Variants in IMMP2L observed in about 807,000 individuals in gnomAD.
IMMP2L encodes inner mitochondrial membrane peptidase subunit 2, also known as mitochondrial inner membrane protease subunit 2.
In IMMP2L, 18 loss-of-function variants were observed where a neutral mutation model predicts 19.3. The observed-to-expected ratio is 0.93, with a 90% CI of 0.64 to 1.38. The LOEUF is 1.38. Ranked by LOEUF, IMMP2L falls within the 40% of genes most tolerant of loss-of-function variation. The pLI is 0.00. For synonymous variants in IMMP2L, 76 were observed against 73.0 expected (o/e 1.04, Z -0.21); for missense variants, 233 against 218.2 (o/e 1.07, Z -0.43).
At chr7:110,667,724 T>G (rs899492503) in intron 5 of IMMP2L, among the ~76,000 whole-genome samples, 1 of 152,206 alleles carries the variant, frequency 6.6e-6, no homozygotes, top group Admixed American at 6.5e-5. Context: ...ACATCTTAAC[T>G]TTAGCCCAGT....
chr7:111,194,795 T>A (rs910448667), intron 3 of IMMP2L, among the ~76,000 whole-genome samples: 8 of 152,166 alleles, frequency 5.3e-5, no homozygotes, highest in African/African-American at 1.9e-4. Context: ...AACCTTATAT[T>A]AGAAATCACA....
chr7:111,085,115 A>G (rs1021513589), intron 3 of IMMP2L, among the ~76,000 whole-genome samples: 1 of 152,192 alleles, frequency 6.6e-6, no homozygotes, highest in Non-Finnish European at 1.5e-5. Flanking sequence ...GGAAGAATAA[A>G]GGAATCTGAG....
intron 3 of IMMP2L, among the ~76,000 whole-genome samples, chr7:111,288,218 AG>A (rs1451086982): frequency 6.6e-6 from 1 of 152,192 alleles, no homozygotes; most frequent in Non-Finnish European, 1.5e-5. Context: ...ATGTGGTCAA[AG>A]GGAAGAGATA....
At chr7:111,194,913 T>G (rs1809307812) in intron 3 of IMMP2L, among the ~76,000 whole-genome samples, 1 of 152,138 alleles carries the variant, frequency 6.6e-6, no homozygotes, top group South Asian at 2.1e-4. Context: ...ATGTATATAC[T>G]TATGCAAAAA....
intron 3 of IMMP2L, among the ~76,000 whole-genome samples, chr7:111,131,939 C>T (rs932193240): frequency 5.3e-5 from 8 of 151,792 alleles, no homozygotes; most frequent in Non-Finnish European, 8.8e-5. Flanking sequence ...TATAAGCATG[C>T]CATAACTCAC....
chr7:111,159,258 G>A (rs536739696), intron 3 of IMMP2L, among the ~76,000 whole-genome samples: 1 of 152,196 alleles, frequency 6.6e-6, no homozygotes, highest in Admixed American at 6.5e-5. Flanking sequence ...TGGGACTACA[G>A]GCATCTGCCA....
Position 110,853,924 on chromosome 7 carries a change from T to C in IMMP2L, c.408+32669A>G, listed in dbSNP as rs545327428. Among the ~76,000 whole-genome samples the C allele has an allele frequency of 4.1e-4, 63 of 152,082 alleles. No individual in the cohort carries two copies. The South Asian group carries it at 9.3e-3, about 23-fold the overall frequency. ...ATAGCCAAAGAAATGACAGTTTATA[T>C]AGGACATGATAAACACACAATCTAT... is the stretch of plus-strand genomic sequence containing the variant. On this transcript the variant is annotated intron_variant, in intron 5 of 5. Transcript: ENST00000405709.
chr7:111,101,162 AT>A (rs775599326), intron 3 of IMMP2L, among the ~76,000 whole-genome samples: 7 of 151,386 alleles, frequency 4.6e-5, no homozygotes, highest in Non-Finnish European at 1.0e-4. Context: ...GCTGCTCTGG[AT>A]TTTACTTGAT....
intron 3 of IMMP2L, among the ~76,000 whole-genome samples, chr7:111,407,419 G>T (rs1393335793): frequency 6.6e-6 from 1 of 151,874 alleles, no homozygotes; most frequent in Non-Finnish European, 1.5e-5. Flanking sequence ...TCTAGCAAAT[G>T]GTGTGTGGAT....
At chr7:111,159,068 C>A (rs1368195126) in intron 3 of IMMP2L, among the ~76,000 whole-genome samples, 1 of 152,088 alleles carries the variant, frequency 6.6e-6, no homozygotes, top group Non-Finnish European at 1.5e-5. Context: ...ATGTTTCTGG[C>A]AGCATTCTAC....
chr7:111,463,339 G>A (rs1840315662), intron 3 of IMMP2L, among the ~76,000 whole-genome samples: 1 of 152,100 alleles, frequency 6.6e-6, no homozygotes, highest in African/African-American at 2.4e-5. Flanking sequence ...CCCATAACAT[G>A]TGACATGCTG....
chr7:111,043,184 T>C (rs1792064433), intron 3 of IMMP2L, among the ~76,000 whole-genome samples: 1 of 152,226 alleles, frequency 6.6e-6, no homozygotes. Context: ...TATCCTCCTT[T>C]AATTTTTAAA....
At position 111,067,659 on chromosome 7, in the gene IMMP2L, A is replaced by T. The variant is rs112682258; in HGVS notation, c.240-104094T>A. On this transcript the variant is annotated intron_variant, in intron 3 of 5. Transcript: ENST00000405709. ...TGTTGGCAAGGTCACCAATACAGAA[A>T]AGCACTATTTCGTAGGAAAACTGAT... Among the ~76,000 whole-genome samples the T allele has an allele frequency of 1.8e-3, 277 of 152,344 alleles. 2 individuals are homozygous for T. The highest frequency in any genetic ancestry group is 6.4e-3 in the African/African-American group (264 of 41,574).
intron 5 of IMMP2L, among the ~76,000 whole-genome samples, chr7:110,743,050 C>T (rs1005443704): frequency 1.3e-5 from 2 of 152,096 alleles, no homozygotes; most frequent in African/African-American, 4.8e-5. Context: ...AATTTCCTAG[C>T]ACAAATACAT....
At chr7:111,458,664 C>T (rs1839884575) in intron 3 of IMMP2L, among the ~76,000 whole-genome samples, 1 of 152,118 alleles carries the variant, frequency 6.6e-6, no homozygotes, top group Admixed American at 6.6e-5. Flanking sequence ...CCTCTTCTAT[C>T]CCACCAGCAT....
At chr7:110,677,788 C>T (rs1203218312) in intron 5 of IMMP2L, among the ~76,000 whole-genome samples, 1 of 151,758 alleles carries the variant, frequency 6.6e-6, no homozygotes, top group African/African-American at 2.4e-5. Context: ...AGAAGGGAGG[C>T]TCTGGAAAAA....
At chr7:111,004,957 T>C (rs1211391846) in intron 3 of IMMP2L, among the ~76,000 whole-genome samples, 1 of 152,196 alleles carries the variant, frequency 6.6e-6, no homozygotes, top group East Asian at 1.9e-4. Context: ...TAAATGTAGC[T>C]AAATCTAATT....
At chr7:111,079,930 C>T (rs2129576301) in intron 3 of IMMP2L, among the ~76,000 whole-genome samples, 1 of 152,184 alleles carries the variant, frequency 6.6e-6, no homozygotes, top group East Asian at 1.9e-4. Context: ...TGCTCTTTTA[C>T]CATGTGATGC....
At chr7:111,443,964 A>T (rs180832645) in intron 3 of IMMP2L, among the ~76,000 whole-genome samples, 1 of 152,130 alleles carries the variant, frequency 6.6e-6, no homozygotes, top group Non-Finnish European at 1.5e-5. Flanking sequence ...AGGGTATATA[A>T]TTTCAAAAGG....
Sources: gnomAD v4.1 joint callset for allele counts (sites outside exome capture counted in the v4.1 genomes callset) on GRCh38, gnomAD v4.1.1 for gene constraint, MANE v1.5 for transcripts, NCBI Gene and HGNC (gene_info 2026-07-23, HGNC 2026-07-21) for gene names.